MCTP2: variants seen among roughly 807,000 people sequenced by gnomAD.
MCTP2 encodes the protein multiple C2 and transmembrane domain containing 2, also known as multiple C2 and transmembrane domain-containing protein 2.
Under a neutral mutation model 111.6 loss-of-function variants are expected in MCTP2, and 132 were observed. That is an observed-to-expected ratio of 1.18 (90% CI 1.03 to 1.37). The LOEUF (loss-of-function observed/expected upper bound fraction) is 1.37, where lower values mean the gene tolerates loss of function less well. Among genes scored for constraint, MCTP2 ranks in the 40% most tolerant of loss-of-function variants. MCTP2 has a pLI of 0.00. For synonymous variants in MCTP2, 395 were observed against 387.7 expected, an observed-to-expected ratio of 1.02 and a Z score of -0.22; for missense variants, 1,183 against 1,067.9, an observed-to-expected ratio of 1.11 and a Z score of -1.50.
chr15:94,340,815 C>A lies in MCTP2; in HGVS notation c.860C>A (p.Thr287Lys). ...VILSDLELNR[T>K]TEHILKLEDP... is the part of the protein sequence containing the mutation. ...TATTTGTTGCTTTTTGCTTGTAGAA[C>A]AACTGAACATATTTTAAAACTGGAA... Residue 287 changes from threonine to lysine, a missense_variant and splice_region_variant, in exon 7 of 23, where the codon ACA (threonine) becomes AAA (lysine). Transcript: ENST00000357742. 2 of 1,601,412 alleles carry A rather than the reference C, an allele frequency of 1.2e-6. No homozygotes were observed. Among genetic ancestry groups the A allele is most frequent in the Non-Finnish European group, 1.7e-6 (2 of 1,169,496 alleles).
chr15:94,475,739 C>T (rs990371335), intron 21 of MCTP2, among the ~76,000 whole-genome samples: 8 of 152,124 alleles, frequency 5.3e-5, no homozygotes, highest in Non-Finnish European at 7.3e-5. Context: ...CTTATGAGCT[C>T]CGGATATAGT....
chr15:94,330,824 T>A (rs1435166863), intron 4 of MCTP2, among the ~76,000 whole-genome samples: 1 of 152,144 alleles, frequency 6.6e-6, no homozygotes, highest in East Asian at 1.9e-4. Context: ...AACCTCTGCC[T>A]CCCAGGCTCA....
intron 2 of MCTP2, among the ~76,000 whole-genome samples, chr15:94,299,042 C>T (rs2075466302): frequency 8.0e-6 from 1 of 125,626 alleles, no homozygotes; most frequent in Admixed American, 8.8e-5. Context: ...TCCCCCTCCC[C>T]CTTCCCCTTC....
At chr15:94,443,332 C>A (rs2083898831) in intron 19 of MCTP2, among the ~76,000 whole-genome samples, 1 of 152,132 alleles carries the variant, frequency 6.6e-6, no homozygotes, top group Admixed American at 6.5e-5. Context: ...GTGGGGTGGT[C>A]ACCCACTTCC....
chr15:94,303,064 A>ATATATATATATATAGTTTATATATAGTT (rs773307490), intron 2 of MCTP2, among the ~76,000 whole-genome samples: 2 of 125,924 alleles, frequency 1.6e-5, no homozygotes, highest in Non-Finnish European at 3.3e-5. Context: ...CTAATGGAAT[A>ATATATATATATATAGTTTATATATAGTT]TATATATATA....
chr15:94,356,406 C>T (rs2152424249), intron 9 of MCTP2, 105 bp downstream of exon 9: 7 of 1,054,896 alleles, frequency 6.6e-6, no homozygotes, highest in Non-Finnish European at 7.8e-6. Flanking sequence ...AATTTATGTT[C>T]AGCCCGCCTA....
intron 17 of MCTP2, 90 bp from the exon 18 acceptor site, chr15:94,440,086 T>C (rs765229725): frequency 4.4e-5 from 63 of 1,441,218 alleles, no homozygotes; most frequent in Non-Finnish European, 4.2e-5. Flanking sequence ...AAGAGTCCAA[T>C]TGAATCTCCT....
chr15:94,422,724 C>A (rs17662665), intron 17 of MCTP2, among the ~76,000 whole-genome samples: 21,822 of 152,196 alleles, frequency 0.14, 1,639 homozygotes, highest in East Asian at 0.25. Context: ...AACCTTATTG[C>A]CAGCCGTTGC....
At chr15:94,247,994 G>C (rs1196625338) in intron 1 of MCTP2, among the ~76,000 whole-genome samples, 1 of 152,148 alleles carries the variant, frequency 6.6e-6, no homozygotes, top group East Asian at 1.9e-4. Flanking sequence ...TGGTATTGAG[G>C]AGTAGATTAG....
chr15:94,399,081 T>C lies in MCTP2; in HGVS notation c.1890+19T>C. The C allele has an allele frequency of 7.9e-7, 1 of 1,269,750 alleles. No individual in the cohort carries two copies. The highest frequency in any genetic ancestry group is 2.3e-5 in the East Asian group (1 of 43,124). 78.7% of individuals were successfully genotyped at this position (1,269,750 alleles called of 1,614,324 possible). Reference sequence around the variant, plus strand: ...TAATCCGGTAAGTCTAGCTGGGTCATACTTCCCGGCTTTCCCGTACCTAAA... The same window carrying C: ...TAATCCGGTAAGTCTAGCTGGGTCACACTTCCCGGCTTTCCCGTACCTAAA... On this transcript the variant is annotated intron_variant, in intron 15 of 22. Transcript: ENST00000357742.
chr15:94,283,278 C>A (rs928123685), intron 1 of MCTP2, among the ~76,000 whole-genome samples: 1 of 152,106 alleles, frequency 6.6e-6, no homozygotes, highest in Non-Finnish European at 1.5e-5. Context: ...TGTTCCTGTC[C>A]CATAGCAAGA....
At chr15:94,267,976 C>T (rs2073661630) in intron 1 of MCTP2, among the ~76,000 whole-genome samples, 1 of 147,452 alleles carries the variant, frequency 6.8e-6, no homozygotes, top group Admixed American at 6.9e-5. Context: ...CGCCATTCTC[C>T]TGCCTCAGCC....
chr15:94,369,017 G>A (rs1156359647), intron 11 of MCTP2, among the ~76,000 whole-genome samples: 1 of 152,074 alleles, frequency 6.6e-6, no homozygotes, highest in Non-Finnish European at 1.5e-5. Flanking sequence ...ACAGCCCCCT[G>A]GATTTGTTTT....
At chr15:94,455,174 A>G (rs1223547511) in intron 19 of MCTP2, among the ~76,000 whole-genome samples, 1 of 152,232 alleles carries the variant, frequency 6.6e-6, no homozygotes, top group Non-Finnish European at 1.5e-5. Context: ...TACAATAAAT[A>G]TACATTCTGA....
chr15:94,303,092 TTATATAGTTTA>T (rs141171928), intron 2 of MCTP2, among the ~76,000 whole-genome samples: 14 of 21,106 alleles, frequency 6.6e-4, no homozygotes, highest in South Asian at 1.7e-3. Flanking sequence ...TATATATAGT[TTATATAGTTTA>T]TATATATATA....
At chr15:94,343,134 T>G (rs2077755865) in intron 7 of MCTP2, 1 of 151,860 alleles carries the variant, frequency 6.6e-6, no homozygotes, top group Non-Finnish European at 1.5e-5. Context: ...TTTCCATTTA[T>G]ATATTTGATC....
Position 94,358,572 on chromosome 15 carries a change from T to C in MCTP2, c.1261T>C (p.Trp421Arg), listed in dbSNP as rs763474993. The change falls in exon 10 of 23, where the codon TGG becomes CGG. Residue 421 changes from tryptophan to arginine, a missense_variant. Physicochemically the swap from Trp to Arg is moderately radical, Grantham distance 101 (BLOSUM62 -3). Transcript: ENST00000357742. ...DRMGILDIEV[W>R]GKDNKKHEER... ...GATGGGCATTTTGGACATTGAAGTG[T>C]GGGGAAAGGACAACAAAAAGCATGA... 1 of 1,613,744 alleles carries C rather than the reference T, an allele frequency of 6.2e-7. No homozygotes were observed. The highest frequency in any genetic ancestry group is 1.7e-5 in the Admixed American group (1 of 59,982).
rs144187829 is a variant in MCTP2, at chr15:94,244,315, T to C, written c.-66+12651T>C. ...ATATGTGTATATATTTATATACACATATGTATACACATGTATATATACACG... is the reference window on the plus strand; with the variant it reads ...ATATGTGTATATATTTATATACACACATGTATACACATGTATATATACACG... On this transcript the variant is annotated intron_variant, in intron 1 of 22. Coordinates refer to ENST00000357742, the MANE Select transcript of MCTP2 (RefSeq NM_001385001.1). 1.9e-4 allele frequency among the ~76,000 whole-genome samples: 28 copies of C among 148,490 alleles called. No individual in the cohort carries two copies. The East Asian group carries it at 2.6e-3, about 14-fold the overall frequency.
chr15:94,393,059 G>T (rs1247161776), intron 14 of MCTP2, among the ~76,000 whole-genome samples: 1 of 152,014 alleles, frequency 6.6e-6, no homozygotes, highest in Non-Finnish European at 1.5e-5. Context: ...GGAAATATTT[G>T]CAAATACTAT....
Sources: gnomAD v4.1 joint callset for allele counts (sites outside exome capture counted in the v4.1 genomes callset) on GRCh38, gnomAD v4.1.1 for gene constraint, MANE v1.5 for transcripts, NCBI Gene and HGNC (gene_info 2026-07-23, HGNC 2026-07-21) for gene names.